Variants in SDK2 observed in about 807,000 individuals in gnomAD.
The protein encoded by SDK2 is protein sidekick-2.
SDK2 carries 105 observed loss-of-function variants against 253.9 expected under a neutral mutation model. That is an observed-to-expected ratio of 0.41 (90% CI 0.35 to 0.49). The LOEUF is 0.49. Ranked by LOEUF, SDK2 falls within the 20% of genes least tolerant of loss-of-function variation. The pLI, the probability that SDK2 is intolerant of heterozygous loss-of-function variation, is 0.06. For synonymous variants in SDK2, 1,249 were observed against 1,234.9 expected, an observed-to-expected ratio of 1.01 and a Z score of -0.24; for missense variants, 2,608 against 3,003.0, an observed-to-expected ratio of 0.87 and a Z score of 3.07.
At chr17:73,552,423 C>G (rs535038956) in intron 1 of SDK2, among the ~76,000 whole-genome samples, 8 of 152,186 alleles carry the variant, frequency 5.3e-5, no homozygotes, top group Non-Finnish European at 1.2e-4. Flanking sequence ...GGCGAGGACG[C>G]ATGACATCTG....
Position 73,401,130 on chromosome 17 carries a change from C to T in SDK2, c.2861G>A (p.Arg954His), listed in dbSNP as rs769841452. Residue 954 changes from arginine (R) to histidine (H), a missense_variant, in exon 21 of 45, where the codon CGT becomes CAT. Around this residue, in one of 2 missense-constraint regions of SDK2, gnomAD observed 1,505 missense variants for 1,859.1 expected, o/e 0.81. Coordinates refer to ENST00000392650, the MANE Select transcript of SDK2 (RefSeq NM_001144952.2). ...GGTGAGCGCGGTGAGGCCCGTGACA[C>T]GGTACTCCAGGGTCACGTTGGGCAG... ...HYLPNVTLEYRVTGLTALTTY... is the reference protein window; with the variant it reads ...HYLPNVTLEYHVTGLTALTTY... The T allele has an allele frequency of 2.0e-5, 31 of 1,562,140 alleles. No individual in the cohort carries two copies. The highest frequency in any genetic ancestry group is 5.4e-5 in the African/African-American group (4 of 73,652).
rs142274505 is a variant in SDK2 at position 73,475,317 on chromosome 17, A to G, written c.225-3099T>C. ...TAGGCACCTGCCACCACGCCCAGCTAATTTTTGTATTTTTAGTAGAGATGG... is the reference window on the plus strand; with the variant it reads ...TAGGCACCTGCCACCACGCCCAGCTGATTTTTGTATTTTTAGTAGAGATGG... On this transcript the variant is annotated intron_variant, in intron 2 of 44. Coordinates refer to ENST00000392650, the MANE Select transcript of SDK2 (RefSeq NM_001144952.2). Among the ~76,000 whole-genome samples the G allele has an allele frequency of 5.2e-3, 790 of 152,240 alleles. 10 individuals carry two copies. Among genetic ancestry groups the G allele is most frequent in the African/African-American group, 0.018 (752 of 41,538 alleles).
chr17:73,421,390 T>C (rs556219762), intron 15 of SDK2, among the ~76,000 whole-genome samples: 1 of 152,316 alleles, frequency 6.6e-6, no homozygotes, highest in Admixed American at 6.5e-5. Context: ...AAGAGCCAAG[T>C]GCAAGGCTTT....
chr17:73,597,901 T>A (rs1415148224), intron 1 of SDK2, among the ~76,000 whole-genome samples: 2 of 152,138 alleles, frequency 1.3e-5, no homozygotes, highest in Non-Finnish European at 2.9e-5. Flanking sequence ...CACCTCAGCC[T>A]CCCAAAGTGC....
intron 1 of SDK2, among the ~76,000 whole-genome samples, chr17:73,574,539 G>A (rs2045432189): frequency 6.6e-6 from 1 of 152,176 alleles, no homozygotes; most frequent in South Asian, 2.1e-4. Context: ...TACCTTGTGT[G>A]TGAGTGCAGG....
intron 2 of SDK2, among the ~76,000 whole-genome samples, chr17:73,504,630 T>TGAA (rs1200449106): frequency 4.8e-5 from 2 of 41,726 alleles, no homozygotes; most frequent in African/African-American, 3.1e-4. Context: ...AGACTCTGTC[T>TGAA]CAAAAAAAAA....
chr17:73,424,226 C>A (rs762018049), intron 12 of SDK2, 134 bp from the exon 13 acceptor site: 80 of 705,868 alleles, frequency 1.1e-4, no homozygotes, highest in Non-Finnish European at 1.5e-4. Context: ...CCAGGCAGGA[C>A]ACTGGGATCG....
chr17:73,383,802 A>T lies in SDK2; in HGVS notation c.4705+74T>A, dbSNP rs1353008753. 1.9e-6 allele frequency: 3 copies of T among 1,581,442 alleles called. No individual in the cohort carries two copies. Among genetic ancestry groups the T allele is most frequent in the Middle Eastern group, 1.7e-4 (1 of 5,930 alleles). On this transcript the variant is annotated intron_variant, in intron 33 of 44. Coordinates refer to ENST00000392650, the MANE Select transcript of SDK2 (RefSeq NM_001144952.2). The surrounding 1 kb of genome is among the most constrained non-coding windows in gnomAD (Gnocchi z 4.3). Reference sequence around the variant, plus strand: ...AGGTTAGAGTGGTTCCAGGAAGCTGAGAGCTCCAGAGCGGGAAGGTGAGGG... The same window carrying T: ...AGGTTAGAGTGGTTCCAGGAAGCTGTGAGCTCCAGAGCGGGAAGGTGAGGG...
At chr17:73,369,985 C>A (rs1599492395) in intron 36 of SDK2, among the ~76,000 whole-genome samples, 3 of 152,312 alleles carry the variant, frequency 2.0e-5, no homozygotes, top group African/African-American at 7.2e-5. Flanking sequence ...GTTAACACTT[C>A]TGCTAGTTCC....
chr17:73,427,589 T>TA (rs11397852), intron 12 of SDK2, among the ~76,000 whole-genome samples: 68,493 of 129,268 alleles, frequency 0.53, 16,867 homozygotes, highest in East Asian at 0.64. Flanking sequence ...AAGATAAAAA[T>TA]AAAAAAGAAG....
At chr17:73,384,952 G>A (rs970711095) in intron 32 of SDK2, among the ~76,000 whole-genome samples, 2 of 152,186 alleles carry the variant, frequency 1.3e-5, no homozygotes, top group African/African-American at 4.8e-5. Context: ...CTCCAGCCTC[G>A]TCCCGGTCAC....
intron 20 of SDK2, 117 bp from the exon 21 acceptor site, chr17:73,401,328 G>T: frequency 1.0e-6 from 1 of 968,052 alleles, no homozygotes. Context: ...TGGGAGCAAT[G>T]GGGCCAAGGG....
chr17:73,394,439 G>A, intron 25 of SDK2, 115 bp from the exon 26 acceptor site: 1 of 547,294 alleles, frequency 1.8e-6, no homozygotes, highest in Non-Finnish European at 3.0e-6. Flanking sequence ...GCCTCTCTAT[G>A]GAAGAAACGT....
chr17:73,488,318 G>A (rs563023752), intron 2 of SDK2, among the ~76,000 whole-genome samples: 1 of 152,194 alleles, frequency 6.6e-6, no homozygotes, highest in Non-Finnish European at 1.5e-5. Flanking sequence ...GCCCGGCCAA[G>A]ATGGCTGTCT....
chr17:73,588,403 A>G (rs894798008), intron 1 of SDK2, among the ~76,000 whole-genome samples: 1 of 151,664 alleles, frequency 6.6e-6, no homozygotes, highest in African/African-American at 2.4e-5. Context: ...AAAAAAAAAA[A>G]AAAAAAAAAG....
rs190277130 is a variant in SDK2, at chr17:73,379,325, C to T, written c.4865-33G>A. On this transcript the variant is annotated intron_variant, in intron 35 of 44. Coordinates refer to ENST00000392650, the MANE Select transcript of SDK2 (RefSeq NM_001144952.2). This position sits in a 1 kb window ranked among gnomAD's most constrained non-coding sequence, Gnocchi z 4.5. ...GCGTGCAGGGTAGGCAGTGAGCATGCGAGTAAACCTGGGAGGGGAGGTGGG... is the reference window on the plus strand; with the variant it reads ...GCGTGCAGGGTAGGCAGTGAGCATGTGAGTAAACCTGGGAGGGGAGGTGGG... 1,508 of 1,426,350 alleles carry T rather than the reference C, an allele frequency of 1.1e-3. 22 individuals are homozygous for T. In the African/African-American group the frequency reaches 0.019, roughly 18 times the overall value. The allele number at this position is 1,426,350 out of a possible 1,614,324, so 88.4% of individuals were successfully genotyped here. A position where few individuals can be genotyped will look rare whatever the true frequency, so the allele number is the denominator to read the frequency against.
At chr17:73,563,593 T>C (rs1279313159) in intron 1 of SDK2, among the ~76,000 whole-genome samples, 1 of 152,108 alleles carries the variant, frequency 6.6e-6, no homozygotes, top group East Asian at 1.9e-4. Context: ...AAAAAAATCT[T>C]TGTGCCCTTT....
intron 42 of SDK2, 117 bp from the exon 43 acceptor site, chr17:73,350,492 G>A (rs913110150): frequency 4.0e-5 from 57 of 1,440,160 alleles, no homozygotes; most frequent in Admixed American, 5.0e-5. Flanking sequence ...ACCAAAATAA[G>A]AGATTGAGAT....
chr17:73,498,487 T>C (rs2063861159), intron 2 of SDK2, among the ~76,000 whole-genome samples: 1 of 152,180 alleles, frequency 6.6e-6, no homozygotes, highest in African/African-American at 2.4e-5. Flanking sequence ...CTTGCCTAGC[T>C]CTGTGCCGGG....
Sources: gnomAD v4.1 joint callset for allele counts (sites outside exome capture counted in the v4.1 genomes callset) on GRCh38, gnomAD v4.1.1 for gene constraint, gnomAD v4.1.1 regional missense constraint, Gnocchi (gnomAD v3.1) non-coding constraint, MANE v1.5 for transcripts, NCBI Gene and HGNC (gene_info 2026-07-23, HGNC 2026-07-21) for gene names.